The following STRN3 variants were observed in gnomAD, a reference collection of about 807,000 sequenced individuals.
STRN3 encodes striatin-3.
STRN3 carries 29 observed loss-of-function variants against 95.6 expected under a neutral mutation model. That is an observed-to-expected ratio of 0.30 (90% confidence interval 0.23 to 0.41). The LOEUF (loss-of-function observed/expected upper bound fraction) is 0.41. STRN3 is among the 10% of genes least tolerant of loss of function. The probability of loss-of-function intolerance (pLI) is 1.00; values close to 1 mark genes in which losing one functional copy is unlikely to be tolerated. For synonymous variants in STRN3, 331 were observed against 357.6 expected (o/e 0.93, Z 0.84); for missense variants, 890 against 972.1 (o/e 0.92, Z 1.12).
At chr14:30,998,150 A>C (rs1435423026) in intron 1 of STRN3, among the ~76,000 whole-genome samples, 2 of 152,148 alleles carry the variant, frequency 1.3e-5, no homozygotes, top group Non-Finnish European at 2.9e-5. Flanking sequence ...ATCCCTAAAC[A>C]ACTGTCATCT....
intron 1 of STRN3, among the ~76,000 whole-genome samples, chr14:30,998,123 AG>A (rs1882286936): frequency 6.6e-6 from 1 of 152,178 alleles, no homozygotes; most frequent in South Asian, 2.1e-4. Flanking sequence ...ACAGCGTTGG[AG>A]CCCCTTCAAA....
chr14:30,901,878 T>C (rs963835539), intron 16 of STRN3, among the ~76,000 whole-genome samples: 3 of 151,800 alleles, frequency 2.0e-5, no homozygotes, highest in Non-Finnish European at 2.9e-5. Context: ...TGTAAGAACA[T>C]ATTGGACGAC....
chr14:30,975,848 A>AAG, intron 1 of STRN3, among the ~76,000 whole-genome samples: 1 of 151,156 alleles, frequency 6.6e-6, no homozygotes, highest in East Asian at 1.9e-4. Flanking sequence ...AAAAAAAAAA[A>AAG]AAAAAAAAAA....
intron 8 of STRN3, among the ~76,000 whole-genome samples, chr14:30,925,112 A>G (rs1056269271): frequency 2.0e-5 from 3 of 152,090 alleles, no homozygotes; most frequent in Admixed American, 6.6e-5. Context: ...TACTAATAAG[A>G]TAAAGTGCAT....
At chr14:30,913,358 CAAAG>C (rs1896657362) in intron 10 of STRN3, among the ~76,000 whole-genome samples, 162 bp downstream of exon 10, 1 of 151,908 alleles carries the variant, frequency 6.6e-6, no homozygotes, top group African/African-American at 2.4e-5. Flanking sequence ...TTAAATACCA[CAAAG>C]AGAGTAGTTA....
chr14:30,978,275 G>C (rs1458883161), intron 1 of STRN3, among the ~76,000 whole-genome samples: 1 of 152,002 alleles, frequency 6.6e-6, no homozygotes, highest in Non-Finnish European at 1.5e-5. Flanking sequence ...TTAGCAAACT[G>C]AATCCAACAA....
At position 30,911,765 on chromosome 14, in the gene STRN3, A is replaced by G; in HGVS notation, c.1598+12T>C. On this transcript the variant is annotated intron_variant, in intron 12 of 17. Coordinates refer to ENST00000357479, the MANE Select transcript of STRN3 (RefSeq NM_001083893.2). ...GATGATGTTAATTAAATACCAATTC[A>G]GTAAAACTTACATGTGGGCCCTAAA... is the stretch of plus-strand genomic sequence containing the variant. The G allele has an allele frequency of 6.2e-7, 1 of 1,600,146 alleles. No individual in the cohort carries two copies. Among genetic ancestry groups the G allele is most frequent in the South Asian group, 1.1e-5 (1 of 87,914 alleles).
intron 1 of STRN3, among the ~76,000 whole-genome samples, chr14:30,965,054 G>A (rs139722779): frequency 8.5e-5 from 13 of 152,200 alleles, no homozygotes; most frequent in African/African-American, 3.1e-4. Flanking sequence ...GTTATTTGAT[G>A]GAATTCAGAC....
chr14:30,937,813 T>C (rs1275442636), intron 5 of STRN3, among the ~76,000 whole-genome samples: 1 of 152,148 alleles, frequency 6.6e-6, no homozygotes, highest in Non-Finnish European at 1.5e-5. Flanking sequence ...AGAAAAATAA[T>C]ATAAAACTCA....
At chr14:30,962,515 C>A (rs1317429086) in intron 1 of STRN3, among the ~76,000 whole-genome samples, 5 of 152,126 alleles carry the variant, frequency 3.3e-5, no homozygotes, top group African/African-American at 1.2e-4. Flanking sequence ...GGTCAGTGCC[C>A]TACACAGTTA....
intron 1 of STRN3, among the ~76,000 whole-genome samples, chr14:31,015,948 A>T (rs979827315): frequency 2.0e-5 from 3 of 152,176 alleles, no homozygotes; most frequent in Non-Finnish European, 2.9e-5. Flanking sequence ...CTTCAGGCAC[A>T]TGCTACCATG....
chr14:30,908,589 T>G (rs1325094741), intron 13 of STRN3, among the ~76,000 whole-genome samples: 2 of 152,222 alleles, frequency 1.3e-5, no homozygotes. Context: ...ATCATATTAT[T>G]GGACCTCTCA....
chr14:30,974,607 C>CAAA (rs34613702), intron 1 of STRN3, among the ~76,000 whole-genome samples: 4,964 of 120,506 alleles, frequency 0.041, 268 homozygotes, highest in East Asian at 0.19. Context: ...AGCATAACTA[C>CAAA]AAAAAAAAAA....
At chr14:30,939,745 A>G (rs551192328) in intron 5 of STRN3, among the ~76,000 whole-genome samples, 2 of 152,286 alleles carry the variant, frequency 1.3e-5, no homozygotes, top group South Asian at 4.1e-4. Context: ...AACCATTTTT[A>G]AACTTATTTT....
intron 1 of STRN3, chr14:31,025,561 A>G (rs1281369549): frequency 2.8e-6 from 1 of 356,298 alleles, no homozygotes; most frequent in East Asian, 7.1e-5. Flanking sequence ...GAGAGGCCCC[A>G]AACCGGACTC....
intron 1 of STRN3, among the ~76,000 whole-genome samples, chr14:30,989,416 T>C (rs925774241): frequency 6.6e-6 from 1 of 152,088 alleles, no homozygotes; most frequent in African/African-American, 2.4e-5. Context: ...GATTGGGAGG[T>C]AGCGAGACAG....
intron 5 of STRN3, among the ~76,000 whole-genome samples, chr14:30,946,670 G>T (rs1235917451): frequency 4.0e-5 from 6 of 151,888 alleles, no homozygotes; most frequent in Non-Finnish European, 5.9e-5. Flanking sequence ...CTCTGAACTC[G>T]ATCTGCTTTA....
chr14:30,897,132 T>G lies in STRN3; in HGVS notation c.2138-1384A>C, dbSNP rs566756152. Among the ~76,000 whole-genome samples, 4 of 152,360 alleles carry G rather than the reference T, an allele frequency of 2.6e-5. No homozygotes were observed. The South Asian group carries it at 8.3e-4, about 32-fold the overall frequency. On this transcript the variant is annotated intron_variant, in intron 16 of 17. Transcript: ENST00000357479. ...GAGGCTTTTTCCAAAATTCTAGTTA[T>G]AATCATTAGCCATGCCTCTGGTCCC...
At chr14:30,981,039 G>A (rs1193428473) in intron 1 of STRN3, among the ~76,000 whole-genome samples, 1 of 152,104 alleles carries the variant, frequency 6.6e-6, no homozygotes, top group Non-Finnish European at 1.5e-5. Flanking sequence ...CAGGCATGGT[G>A]CCTCATGCCT....
Sources: gnomAD v4.1 joint callset for allele counts (sites outside exome capture counted in the v4.1 genomes callset) on GRCh38, gnomAD v4.1.1 for gene constraint, MANE v1.5 for transcripts, NCBI Gene and HGNC (gene_info 2026-07-23, HGNC 2026-07-21) for gene names.